The following CD55 variants were observed in gnomAD, a reference collection of about 807,000 sequenced individuals.
CD55 encodes complement decay-accelerating factor.
CD55 carries 41 observed loss-of-function variants against 45.8 expected under a neutral mutation model. The ratio of observed to expected loss-of-function variants is 0.90; its 90% CI spans 0.70 to 1.16. The LOEUF is 1.16. Ranked by LOEUF, CD55 falls within the 50% of genes most tolerant of loss-of-function variation. The pLI is 0.00. For synonymous variants in CD55, 181 were observed against 181.1 expected, an observed-to-expected ratio of 1.00 and a Z score of 0.01; for missense variants, 416 against 469.8, an observed-to-expected ratio of 0.89 and a Z score of 1.06.
intron 9 of CD55, 30 bp from the exon 10 acceptor site, chr1:207,359,515 AC>A: frequency 8.6e-6 from 6 of 697,266 alleles, no homozygotes; most frequent in African/African-American, 6.6e-5. Context: ...TTTGATTTTA[AC>A]TTTTTTTTTT....
intron 3 of CD55, among the ~76,000 whole-genome samples, chr1:207,325,199 G>A (rs1463289139): frequency 6.6e-6 from 1 of 152,032 alleles, no homozygotes; most frequent in Non-Finnish European, 1.5e-5. Context: ...GCTGGGTGTG[G>A]TGGCGCATGC....
intron 9 of CD55, among the ~76,000 whole-genome samples, chr1:207,356,498 C>T (rs1656079032): frequency 6.6e-6 from 1 of 152,016 alleles, no homozygotes; most frequent in African/African-American, 2.4e-5. Flanking sequence ...TCTAGTGTTG[C>T]ACAGAAGCAA....
chr1:207,358,514 A>G (rs1656162681), intron 9 of CD55: 3 of 152,212 alleles, frequency 2.0e-5, no homozygotes, highest in Admixed American at 2.0e-4. Flanking sequence ...TCTACTATTC[A>G]GCTCTTATAA....
Position 207,322,513 on chromosome 1 carries a change from T to C in CD55, c.232T>C (p.Ser78Pro). 1 of 1,614,220 alleles carries C rather than the reference T, an allele frequency of 6.2e-7. No homozygotes were observed. The highest frequency in any genetic ancestry group is 8.5e-7 in the Non-Finnish European group (1 of 1,180,012). ...TGTGAAAATTCCTGGCGAGAAGGAC[T>C]CAGTGATCTGCCTTAAGGGCAGTCA... ...SFVKIPGEKD[S>P]VICLKGSQWS... Residue 78 changes from serine to proline, a missense_variant, in exon 2 of 10, where the codon TCA becomes CCA. Physicochemically the swap from Ser to Pro is moderately conservative, Grantham distance 74. Around this residue, in one of 3 missense-constraint regions of CD55, gnomAD observed 123 missense variants for 105.1 expected, o/e 1.17. Coordinates refer to ENST00000367064, the MANE Select transcript of CD55 (RefSeq NM_000574.5).
intron 2 of CD55, among the ~76,000 whole-genome samples, chr1:207,323,825 T>TTA (rs1257593855): frequency 5.9e-5 from 9 of 152,154 alleles, no homozygotes; most frequent in African/African-American, 2.2e-4. Flanking sequence ...CCAAACAACC[T>TTA]TATGAGGTAA....
chr1:207,324,832 CTA>C (rs1368155822), intron 3 of CD55, 82 bp downstream of exon 3: 3 of 761,150 alleles, frequency 3.9e-6, no homozygotes, highest in Non-Finnish European at 6.4e-6. Flanking sequence ...TGCTAGAACT[CTA>C]TGTGTATATA....
chr1:207,340,646 T>A (rs1655388281), intron 9 of CD55: 1 of 633,778 alleles, frequency 1.6e-6, no homozygotes, highest in Admixed American at 2.4e-5. Context: ...CGATTATAAG[T>A]GTGAGCCACT....
At chr1:207,325,054 G>A (rs1016252081) in intron 3 of CD55, among the ~76,000 whole-genome samples, 2 of 152,104 alleles carry the variant, frequency 1.3e-5, no homozygotes, top group South Asian at 4.1e-4. Flanking sequence ...AAGTCTAAGG[G>A]TCAGGCATGG....
In CD55 at chr1:207,321,806, T is replaced by G. The variant is rs1197728690; in HGVS notation, c.41T>G (p.Leu14Arg). The G allele has an allele frequency of 2.0e-6, 3 of 1,527,442 alleles. No homozygotes were observed. Among genetic ancestry groups the G allele is most frequent in the African/African-American group, 1.4e-5 (1 of 71,864 alleles). The allele number at this position is 1,527,442 out of a possible 1,614,324, so 94.6% of individuals were successfully genotyped here. Reference sequence around the variant, plus strand: ...CCGAGCGTGCCCGCGGCGCTGCCCCTCCTCGGGGAGCTGCCCCGGCTGCTG... The same window carrying G: ...CCGAGCGTGCCCGCGGCGCTGCCCCGCCTCGGGGAGCTGCCCCGGCTGCTG... ...ARPSVPAALP[L>R]LGELPRLLLL... Residue 14 changes from leucine (L) to arginine (R), a missense_variant, in exon 1 of 10, where the codon CTC (leucine) becomes CGC (arginine). Around this residue, in one of 3 missense-constraint regions of CD55, gnomAD observed 123 missense variants for 105.1 expected, o/e 1.17. Coordinates refer to ENST00000367064, the MANE Select transcript of CD55 (RefSeq NM_000574.5).
At position 207,331,309 on chromosome 1, in the gene CD55, G is replaced by T. The variant is rs1217027922; in HGVS notation, c.853+13G>T. The T allele has an allele frequency of 6.2e-7, 1 of 1,608,306 alleles. No individual in the cohort carries two copies. Among genetic ancestry groups the T allele is most frequent in the East Asian group, 2.2e-5 (1 of 44,816 alleles). ...CCTGAATGCAGAGGTAATCACTTTG[G>T]ATAGTTATATTTTTGCTTTATTCTT... On this transcript the variant is annotated intron_variant, in intron 6 of 9. Coordinates refer to ENST00000367064, the MANE Select transcript of CD55 (RefSeq NM_000574.5).
Position 207,348,321 on chromosome 1 carries a change from A to G in CD55, c.1081+8904A>G, listed in dbSNP as rs192050502. Among the ~76,000 whole-genome samples the G allele has an allele frequency of 7.2e-5, 11 of 152,188 alleles. No individual in the cohort carries two copies. The East Asian group carries it at 2.1e-3, about 29-fold the overall frequency. ...GATTGCATTTCTCTAATGATTAGTG[A>G]TGTTGAGCATTTTTTTCATATGCTT... is the stretch of plus-strand genomic sequence containing the variant. On this transcript the variant is annotated intron_variant, in intron 9 of 9. Transcript: ENST00000367064.
intron 1 of CD55, 169 bp from the exon 2 acceptor site, chr1:207,322,213 T>A: frequency 1.4e-6 from 1 of 733,612 alleles, no homozygotes; most frequent in Non-Finnish European, 2.5e-6. Context: ...GCCAGACCGC[T>A]GACCGTTCCC....
chr1:207,348,601 T>C (rs145216385), intron 9 of CD55, among the ~76,000 whole-genome samples: 1 of 152,252 alleles, frequency 6.6e-6, no homozygotes, highest in Non-Finnish European at 1.5e-5. Context: ...AATTTTTGTT[T>C]TTGTTGCAAT....
At chr1:207,339,369 T>G (rs1329557787) in intron 8 of CD55, 28 bp from the exon 9 acceptor site, 1 of 1,596,008 alleles carries the variant, frequency 6.3e-7, no homozygotes, top group Non-Finnish European at 8.6e-7. Context: ...TTTTTGTTGT[T>G]AATCCTTTTT....
At chr1:207,333,105 C>T (rs1218799169) in intron 6 of CD55, among the ~76,000 whole-genome samples, 1 of 152,126 alleles carries the variant, frequency 6.6e-6, no homozygotes, top group African/African-American at 2.4e-5. Flanking sequence ...GAAGGTTGAC[C>T]CAGAGCTTCT....
chr1:207,338,824 G>A (rs1460862838), intron 8 of CD55, among the ~76,000 whole-genome samples: 2 of 152,098 alleles, frequency 1.3e-5, no homozygotes, highest in Non-Finnish European at 2.9e-5. Flanking sequence ...TTTCTGCTGA[G>A]TAATATTGCT....
At chr1:207,356,616 G>T (rs1163172738) in intron 9 of CD55, among the ~76,000 whole-genome samples, 1 of 152,068 alleles carries the variant, frequency 6.6e-6, no homozygotes, top group African/African-American at 2.4e-5. Context: ...CAGCACAGTG[G>T]TTAAGGCAGC....
intron 4 of CD55, 37 bp downstream of exon 4, chr1:207,325,758 A>C: frequency 1.6e-6 from 2 of 1,228,754 alleles, no homozygotes; most frequent in Non-Finnish European, 2.4e-6. Flanking sequence ...TATTTAGGAA[A>C]TGAGAAAACA....
chr1:207,347,008 C>A, intron 9 of CD55: 1 of 435,026 alleles, frequency 2.3e-6, no homozygotes, highest in South Asian at 1.6e-5. Context: ...GCAATCTCAG[C>A]CAAACAGGCT....
Sources: gnomAD v4.1 joint callset for allele counts (sites outside exome capture counted in the v4.1 genomes callset) on GRCh38, gnomAD v4.1.1 for gene constraint, gnomAD v4.1.1 regional missense constraint, MANE v1.5 for transcripts, NCBI Gene and HGNC (gene_info 2026-07-23, HGNC 2026-07-21) for gene names.